The following XKR9 variants were observed in gnomAD, a reference collection of about 807,000 sequenced individuals.
XKR9 encodes XK related 9, also known as XK-related protein 9.
Under a neutral mutation model 32.0 loss-of-function variants are expected in XKR9, and 32 were observed. The observed-to-expected ratio is 1.00, with a 90% CI of 0.76 to 1.34. The LOEUF (loss-of-function observed/expected upper bound fraction) is 1.34. Among genes scored for constraint, XKR9 ranks in the 40% most tolerant of loss-of-function variants. The pLI, the probability that XKR9 is intolerant of heterozygous loss-of-function variation, is 0.00. For missense variants in XKR9, 546 were observed against 429.7 expected (o/e 1.27, Z -2.39); for synonymous variants, 168 against 143.4 (o/e 1.17, Z -1.22).
At chr8:71,029,584 A>T in the XKR9 span, among the ~76,000 whole-genome samples, 1 of 152,298 alleles carries the variant, frequency 6.6e-6, no homozygotes, top group Admixed American at 6.5e-5. Context: ...TTCAGAGTAA[A>T]TCTATTTTAA....
downstream of XKR9, among the ~76,000 whole-genome samples, chr8:70,738,720 G>T (rs949629649): frequency 2.0e-5 from 3 of 151,898 alleles, no homozygotes; most frequent in Admixed American, 6.6e-5. Flanking sequence ...CCTTCATTTC[G>T]TTATGTACCC....
chr8:70,694,298 A>T (rs748820182), intron 3 of XKR9, among the ~76,000 whole-genome samples: 5 of 152,190 alleles, frequency 3.3e-5, no homozygotes, highest in Non-Finnish European at 7.4e-5. Context: ...TGTTGTGTCC[A>T]CTTCAGCCCC....
chr8:71,065,304 G>A, the XKR9 span, among the ~76,000 whole-genome samples: 2 of 152,106 alleles, frequency 1.3e-5, no homozygotes, highest in Non-Finnish European at 2.9e-5. Flanking sequence ...AGGATTGGTG[G>A]CCTTATAAGA....
intron 2 of XKR9, among the ~76,000 whole-genome samples, chr8:70,747,671 A>G (rs191267055): frequency 6.6e-6 from 1 of 152,318 alleles, no homozygotes. Context: ...TGTTATAATC[A>G]ACAGAAAACA....
At chr8:70,867,546 G>C in the XKR9 span, among the ~76,000 whole-genome samples, 1 of 152,166 alleles carries the variant, frequency 6.6e-6, no homozygotes, top group Non-Finnish European at 1.5e-5. Flanking sequence ...CTGCCTCCCT[G>C]GTTCAAGTGA....
intron 3 of XKR9, among the ~76,000 whole-genome samples, chr8:70,687,312 C>CTCTT (rs57039682): frequency 0.19 from 26,074 of 137,984 alleles, 2,568 homozygotes; most frequent in East Asian, 0.22. Flanking sequence ...TCTCTCCTCC[C>CTCTT]TCTTTCTTTC....
intron 2 of XKR9, among the ~76,000 whole-genome samples, chr8:70,761,219 T>C (rs558976498): frequency 6.6e-6 from 1 of 152,328 alleles, no homozygotes; most frequent in East Asian, 1.9e-4. Flanking sequence ...TTAATTTGGG[T>C]ATATACCCAG....
chr8:70,965,819 G>T, the XKR9 span, among the ~76,000 whole-genome samples: 1 of 151,944 alleles, frequency 6.6e-6, no homozygotes, highest in Admixed American at 6.6e-5. Context: ...TTCTGATTGT[G>T]TCTATTTGAT....
intron 2 of XKR9, among the ~76,000 whole-genome samples, chr8:70,762,822 G>A (rs1035112514): frequency 3.3e-5 from 5 of 151,842 alleles, no homozygotes; most frequent in African/African-American, 4.8e-5. Flanking sequence ...TTAATAATTC[G>A]GCTACTAGTA....
At chr8:70,725,761 C>T (rs1017921104) in intron 4 of XKR9, among the ~76,000 whole-genome samples, 1 of 152,024 alleles carries the variant, frequency 6.6e-6, no homozygotes, top group African/African-American at 2.4e-5. Context: ...CAAAAATTAG[C>T]TGGGCATGGT....
the XKR9 span, among the ~76,000 whole-genome samples, chr8:71,020,464 T>C: frequency 6.6e-6 from 1 of 152,234 alleles, no homozygotes; most frequent in Non-Finnish European, 1.5e-5. Flanking sequence ...AAAGTTCATG[T>C]ACTGTGATGA....
intron 2 of XKR9, among the ~76,000 whole-genome samples, chr8:70,782,040 A>G (rs971771007): frequency 7.9e-5 from 12 of 152,178 alleles, no homozygotes; most frequent in African/African-American, 2.7e-4. Flanking sequence ...TCTGCTCCCA[A>G]ATGTCCTGAG....
chr8:70,931,416 TAGTTCTAGATCTGTTATTAATTATTG>T, the XKR9 span, among the ~76,000 whole-genome samples: 3 of 152,206 alleles, frequency 2.0e-5, no homozygotes, highest in Non-Finnish European at 1.5e-5. Flanking sequence ...ACCTCTTTCT[TAGTTCTAGATCTGTTATTAATTATTG>T]AATAATGCCT....
the XKR9 span, among the ~76,000 whole-genome samples, chr8:70,880,358 G>A: frequency 1.2e-4 from 18 of 152,150 alleles, no homozygotes; most frequent in African/African-American, 4.1e-4. Context: ...TGACATGGTT[G>A]CATATTTAGA....
intron 2 of XKR9, among the ~76,000 whole-genome samples, chr8:70,769,228 C>CT (rs879627943): frequency 0.034 from 4,505 of 132,774 alleles, 81 homozygotes; most frequent in Non-Finnish European, 0.047. Context: ...GTTGAAAAAT[C>CT]TTTTTTTTTT....
the XKR9 span, among the ~76,000 whole-genome samples, chr8:70,798,834 CT>C: frequency 6.6e-6 from 1 of 152,060 alleles, no homozygotes; most frequent in Non-Finnish European, 1.5e-5. Context: ...TATTTGTTGA[CT>C]TTGTTGAATA....
intron 3 of XKR9, among the ~76,000 whole-genome samples, chr8:70,682,026 T>A (rs553905254): frequency 6.6e-6 from 1 of 152,166 alleles, no homozygotes; most frequent in African/African-American, 2.4e-5. Context: ...TGGAGACTTA[T>A]AGTTTTCAAA....
the XKR9 span, among the ~76,000 whole-genome samples, chr8:70,975,933 A>C: frequency 6.6e-6 from 1 of 152,106 alleles, no homozygotes; most frequent in Non-Finnish European, 1.5e-5. Flanking sequence ...AGTGGTTTTT[A>C]GTTCTCCTTG....
At chr8:70,807,624 CA>C in the XKR9 span, among the ~76,000 whole-genome samples, 1 of 151,816 alleles carries the variant, frequency 6.6e-6, no homozygotes, top group African/African-American at 2.4e-5. Context: ...TAGTCTCTGA[CA>C]AAACAGACTT....
Sources: gnomAD v4.1 joint callset for allele counts (sites outside exome capture counted in the v4.1 genomes callset) on GRCh38, gnomAD v4.1.1 for gene constraint, MANE v1.5 for transcripts, NCBI Gene and HGNC (gene_info 2026-07-23, HGNC 2026-07-21) for gene names.